SCAND3: variants seen among roughly 807,000 people sequenced by gnomAD.
SCAND3 encodes SCAN domain containing 3, also known as SCAN domain-containing protein 3.
At chr6:28,615,064 CAA>C in the SCAND3 span, among the ~76,000 whole-genome samples, 1 of 152,130 alleles carries the variant, frequency 6.6e-6, no homozygotes, top group African/African-American at 2.4e-5. Context: ...ATAAGGAAAA[CAA>C]AGTGCACAGA....
the SCAND3 span, among the ~76,000 whole-genome samples, chr6:28,606,688 C>T: frequency 6.6e-6 from 1 of 152,152 alleles, no homozygotes; most frequent in South Asian, 2.1e-4. Flanking sequence ...CTTGAGCTCA[C>T]AAGAACGTTC....
At chr6:28,582,397 GA>G in the SCAND3 span, among the ~76,000 whole-genome samples, 5 of 152,116 alleles carry the variant, frequency 3.3e-5, no homozygotes, top group African/African-American at 4.8e-5. This position sits in a 1 kb window ranked among gnomAD's most constrained non-coding sequence, Gnocchi z 4.8. Context: ...TCTTAAGGGG[GA>G]AAAAAACTAC....
chr6:28,609,260 C>T, the SCAND3 span, among the ~76,000 whole-genome samples: 1 of 151,976 alleles, frequency 6.6e-6, no homozygotes, highest in African/African-American at 2.4e-5. Context: ...TGGAAGCCAC[C>T]CCTCAAATGA....
chr6:28,601,420 G>A, the SCAND3 span, among the ~76,000 whole-genome samples: 1 of 152,300 alleles, frequency 6.6e-6, no homozygotes, highest in South Asian at 2.1e-4. Context: ...ATGTAAGTTT[G>A]AAAGCTTTAA....
At chr6:28,572,613 A>G in the SCAND3 span, 1 of 1,614,052 alleles carries the variant, frequency 6.2e-7, no homozygotes, top group Non-Finnish European at 8.5e-7. The surrounding 1 kb of genome is among the most constrained non-coding windows in gnomAD (Gnocchi z 4.1). Flanking sequence ...CATCTTTAAA[A>G]AGTTGGGACC....
At chr6:28,595,108 T>C in the SCAND3 span, among the ~76,000 whole-genome samples, 2 of 140,514 alleles carry the variant, frequency 1.4e-5, no homozygotes, top group African/African-American at 5.4e-5. Flanking sequence ...ACGCCTGCAA[T>C]CCCAGCATTT....
the SCAND3 span, among the ~76,000 whole-genome samples, chr6:28,614,664 C>T: frequency 2.0e-5 from 3 of 148,986 alleles, no homozygotes; most frequent in East Asian, 2.0e-4. Context: ...GGGGTTTCAC[C>T]ATGTTGGCCA....
the SCAND3 span, chr6:28,575,093 C>T: frequency 1.2e-6 from 2 of 1,613,992 alleles, no homozygotes; most frequent in African/African-American, 2.7e-5. The surrounding 1 kb of genome is among the most constrained non-coding windows in gnomAD (Gnocchi z 4.2). Flanking sequence ...ACAAGTTCTT[C>T]AGTTAGCTGA....
At chr6:28,594,283 TG>T in the SCAND3 span, 1 of 152,276 alleles carries the variant, frequency 6.6e-6, no homozygotes, top group East Asian at 1.9e-4. Flanking sequence ...AAGAAATGTC[TG>T]TACTCTCATG....
the SCAND3 span, among the ~76,000 whole-genome samples, chr6:28,593,303 AAAG>A: frequency 6.6e-6 from 1 of 152,356 alleles, no homozygotes; most frequent in African/African-American, 2.4e-5. Context: ...CATATAAAAA[AAAG>A]ATGCTCAGCA....
the SCAND3 span, among the ~76,000 whole-genome samples, chr6:28,596,340 T>G: frequency 6.6e-6 from 1 of 152,100 alleles, no homozygotes; most frequent in Non-Finnish European, 1.5e-5. Flanking sequence ...ATATATTGGT[T>G]AGGGAAATGG....
the SCAND3 span, among the ~76,000 whole-genome samples, chr6:28,584,662 AT>A: frequency 6.6e-6 from 1 of 152,120 alleles, no homozygotes; most frequent in African/African-American, 2.4e-5. Flanking sequence ...TTCTCCACAT[AT>A]CCCCTTGAGG....
chr6:28,579,353 C>A, the SCAND3 span: 1 of 1,614,008 alleles, frequency 6.2e-7, no homozygotes, highest in Non-Finnish European at 8.5e-7. This position sits in a 1 kb window ranked among gnomAD's most constrained non-coding sequence, Gnocchi z 4.5. Context: ...CCTAAAGACT[C>A]CTTTGCAGAA....
the SCAND3 span, chr6:28,573,086 C>T: frequency 6.2e-7 from 1 of 1,607,576 alleles, no homozygotes; most frequent in South Asian, 1.1e-5. Context: ...GGCAAAGAGG[C>T]TGAAAAAAAG....
At chr6:28,603,075 G>T in the SCAND3 span, among the ~76,000 whole-genome samples, 800 of 144,946 alleles carry the variant, frequency 5.5e-3, 3 homozygotes, top group Non-Finnish European at 7.8e-3. Context: ...CCATTCTCCT[G>T]CCTCAGCCTC....
chr6:28,608,246 G>C, the SCAND3 span, among the ~76,000 whole-genome samples: 1 of 152,058 alleles, frequency 6.6e-6, no homozygotes, highest in Non-Finnish European at 1.5e-5. Context: ...CCTTTTCACT[G>C]TTTCGCCCTG....
the SCAND3 span, among the ~76,000 whole-genome samples, chr6:28,595,905 C>T: frequency 2.6e-5 from 4 of 152,112 alleles, no homozygotes; most frequent in Non-Finnish European, 4.4e-5. Flanking sequence ...AGATCATGAT[C>T]GAGGCCCAGA....
At chr6:28,603,535 G>A in the SCAND3 span, among the ~76,000 whole-genome samples, 1 of 151,996 alleles carries the variant, frequency 6.6e-6, no homozygotes, top group Non-Finnish European at 1.5e-5. Flanking sequence ...TCTCTTTAAC[G>A]TGCTTGTGAC....
chr6:28,572,711 G>A, the SCAND3 span: 13 of 1,613,892 alleles, frequency 8.1e-6, no homozygotes, highest in Admixed American at 1.5e-4. This position sits in a 1 kb window ranked among gnomAD's most constrained non-coding sequence, Gnocchi z 4.1. Context: ...GATAACCACC[G>A]TATCTCAGCA....
Sources: gnomAD v4.1 joint callset for allele counts (sites outside exome capture counted in the v4.1 genomes callset) on GRCh38, gnomAD v4.1.1 for gene constraint, Gnocchi (gnomAD v3.1) non-coding constraint, MANE v1.5 for transcripts, NCBI Gene and HGNC (gene_info 2026-07-23, HGNC 2026-07-21) for gene names.